Variants in RNF217 observed in about 807,000 individuals in gnomAD.
RNF217 encodes E3 ubiquitin-protein ligase RNF217.
Under a neutral mutation model 57.8 loss-of-function variants are expected in RNF217, and 31 were observed. The ratio of observed to expected loss-of-function variants is 0.54; its 90% confidence interval spans 0.40 to 0.72. The LOEUF (loss-of-function observed/expected upper bound fraction) is 0.72. Ranked by LOEUF, RNF217 falls within the 30% of genes least tolerant of loss-of-function variation. RNF217 has a pLI of 0.00. For synonymous variants in RNF217, 313 were observed against 294.0 expected (o/e 1.06, Z -0.66); for missense variants, 696 against 708.3 (o/e 0.98, Z 0.20).
intron 1 of RNF217, among the ~76,000 whole-genome samples, chr6:124,982,249 C>T (rs1318492150): frequency 2.0e-5 from 3 of 151,998 alleles, no homozygotes; most frequent in Non-Finnish European, 2.9e-5. Context: ...CACTCATATT[C>T]ATCTTTCTGT....
rs762636944 is a variant in RNF217 at position 124,962,752 on chromosome 6, G to C, written c.208G>C (p.Ala70Pro). 13 of 1,588,370 alleles carry C rather than the reference G, an allele frequency of 8.2e-6. No homozygotes were observed. In the African/African-American group the frequency reaches 1.7e-4, roughly 21 times the overall value. Residue 70 changes from alanine to proline, a missense_variant, in exon 1 of 6, where the codon GCG becomes CCG. By Grantham distance (27) the Ala-to-Pro change is conservative. Coordinates refer to ENST00000521654, the MANE Select transcript of RNF217 (RefSeq NM_001286398.3). The surrounding 1 kb of genome is among the most constrained non-coding windows in gnomAD (Gnocchi z 4.6). ...GCADTSAPEP[A>P]RSLGPPGWSK... ...CGCGGACACCAGCGCCCCAGAGCCC[G>C]CGAGGAGCCTGGGGCCCCCGGGCTG...
At chr6:125,003,122 A>G (rs761071532) in intron 1 of RNF217, among the ~76,000 whole-genome samples, 7 of 152,162 alleles carry the variant, frequency 4.6e-5, no homozygotes, top group Non-Finnish European at 1.0e-4. Context: ...ACACACACAC[A>G]CACACATACC....
chr6:125,021,309 A>G (rs1184015661), intron 1 of RNF217, among the ~76,000 whole-genome samples: 2 of 150,120 alleles, frequency 1.3e-5, no homozygotes, highest in East Asian at 3.9e-4. Context: ...GTCTGTCACC[A>G]AGGCTGGAGT....
rs373732851 is a variant in RNF217, at chr6:125,026,647, GA to G, written c.883-18554del. On this transcript the variant is annotated intron_variant, in intron 1 of 5. Transcript: ENST00000521654. ...ACAAGTATTTAAAACATTTCTCTGA[GA>G]AAAAAAAAAGGGAATCACAGTTAGG... Among the ~76,000 whole-genome samples the G allele has an allele frequency of 3.4e-3, 516 of 151,446 alleles. 1 individual carries two copies. The highest frequency in any genetic ancestry group is 3.9e-3 in the Non-Finnish European group (261 of 67,698).
At chr6:125,014,597 C>T (rs914999947) in intron 1 of RNF217, among the ~76,000 whole-genome samples, 7 of 152,114 alleles carry the variant, frequency 4.6e-5, no homozygotes, top group Non-Finnish European at 1.0e-4. Flanking sequence ...CCAGAGATAA[C>T]TGAATCTTTT....
At chr6:125,057,637 G>T (rs182273300) in intron 2 of RNF217, among the ~76,000 whole-genome samples, 1 of 152,306 alleles carries the variant, frequency 6.6e-6, no homozygotes, top group Admixed American at 6.5e-5. Context: ...TTGGGGCCTT[G>T]TGAGCCTTCA....
chr6:124,987,340 C>T (rs1582673402), intron 1 of RNF217, among the ~76,000 whole-genome samples: 1 of 152,146 alleles, frequency 6.6e-6, no homozygotes, highest in African/African-American at 2.4e-5. Flanking sequence ...TTTATTCCCC[C>T]TAAGAGAAAT....
chr6:125,084,880 T>A lies in RNF217; in HGVS notation c.*1943T>A, dbSNP rs1788725427. 6.6e-6 allele frequency: 1 copy of A among 151,926 alleles called. No individual in the cohort carries two copies. Among genetic ancestry groups the A allele is most frequent in the African/African-American group, 2.4e-5 (1 of 41,440 alleles). 9.4% of individuals were successfully genotyped at this position (151,926 alleles called of 1,614,324 possible). A position where few individuals can be genotyped will look rare whatever the true frequency, so the allele number is the denominator to read the frequency against. On this transcript the variant is annotated 3_prime_UTR_variant, in exon 6 of 6. Transcript: ENST00000521654. ...TGCCTATCTTAGGTGTAATAGTATT[T>A]AAGACTGAAAGAAGGAGAATTTCTA...
intron 1 of RNF217, among the ~76,000 whole-genome samples, chr6:124,981,746 C>T (rs1313249212): frequency 2.0e-5 from 3 of 151,724 alleles, no homozygotes; most frequent in Non-Finnish European, 2.9e-5. Context: ...TGGCCGAGGG[C>T]GGTGACTCAT....
chr6:125,065,844 TAA>T, intron 3 of RNF217, among the ~76,000 whole-genome samples: 2 of 152,322 alleles, frequency 1.3e-5, no homozygotes, highest in East Asian at 3.9e-4. Context: ...AGGCAAATCG[TAA>T]AGTTTTGGGG....
At chr6:124,977,040 T>C (rs569755284) in intron 1 of RNF217, among the ~76,000 whole-genome samples, 1 of 152,340 alleles carries the variant, frequency 6.6e-6, no homozygotes, top group East Asian at 1.9e-4. Flanking sequence ...CATACATGCT[T>C]TTCTCTTTAA....
intron 4 of RNF217, among the ~76,000 whole-genome samples, chr6:125,080,748 A>G (rs1261875897): frequency 1.3e-5 from 2 of 152,142 alleles, no homozygotes; most frequent in Non-Finnish European, 2.9e-5. Flanking sequence ...CATTTAGAAA[A>G]GAAAATGCTG....
intron 1 of RNF217, among the ~76,000 whole-genome samples, chr6:124,965,958 G>A (rs754941339): frequency 1.3e-5 from 2 of 152,084 alleles, no homozygotes; most frequent in Non-Finnish European, 2.9e-5. Context: ...TATAACAGAT[G>A]GGCAACTAAA....
At chr6:125,023,992 G>A (rs1785962441) in intron 1 of RNF217, among the ~76,000 whole-genome samples, 1 of 152,154 alleles carries the variant, frequency 6.6e-6, no homozygotes, top group African/African-American at 2.4e-5. Context: ...ATAAGTTCAA[G>A]CAACCTATTG....
intron 1 of RNF217, among the ~76,000 whole-genome samples, chr6:125,041,853 C>A (rs1488162124): frequency 1.3e-5 from 2 of 152,010 alleles, no homozygotes; most frequent in Non-Finnish European, 2.9e-5. Context: ...AACCACATTT[C>A]ACTGAAATCT....
intron 1 of RNF217, among the ~76,000 whole-genome samples, chr6:124,965,757 C>T (rs1409654212): frequency 6.6e-6 from 1 of 152,110 alleles, no homozygotes; most frequent in Admixed American, 6.6e-5. Flanking sequence ...AAATGTCATG[C>T]CCTGTGACTT....
At chr6:125,018,720 G>T (rs1785704696) in intron 1 of RNF217, among the ~76,000 whole-genome samples, 2 of 152,152 alleles carry the variant, frequency 1.3e-5, no homozygotes, top group South Asian at 4.1e-4. Context: ...GATGGTAGTA[G>T]GACTAGTTGA....
intron 1 of RNF217, among the ~76,000 whole-genome samples, chr6:124,967,237 C>T (rs1053551601): frequency 6.6e-6 from 1 of 152,186 alleles, no homozygotes; most frequent in African/African-American, 2.4e-5. Context: ...TCTGCAATAT[C>T]CTGCACATCC....
intron 1 of RNF217, among the ~76,000 whole-genome samples, chr6:124,976,909 C>T (rs953444067): frequency 6.6e-6 from 1 of 152,218 alleles, no homozygotes; most frequent in East Asian, 1.9e-4. Flanking sequence ...GCTTTTCCTT[C>T]GAGATGAAGG....
Sources: gnomAD v4.1 joint callset for allele counts (sites outside exome capture counted in the v4.1 genomes callset) on GRCh38, gnomAD v4.1.1 for gene constraint, Gnocchi (gnomAD v3.1) non-coding constraint, MANE v1.5 for transcripts, NCBI Gene and HGNC (gene_info 2026-07-23, HGNC 2026-07-21) for gene names.